ETF1: variants seen among roughly 807,000 people sequenced by gnomAD.
The protein encoded by ETF1 is eukaryotic peptide chain release factor subunit 1.
ETF1 carries 4 observed loss-of-function variants against 55.1 expected under a neutral mutation model. That is an observed-to-expected ratio of 0.07 (90% CI 0.04 to 0.17). The LOEUF is 0.17. ETF1 is among the 10% of genes least tolerant of loss of function. The probability of loss-of-function intolerance (pLI) is 1.00; values close to 1 mark genes in which losing one functional copy is unlikely to be tolerated. For missense variants in ETF1, 142 were observed against 523.6 expected (o/e 0.27, Z 7.11); for synonymous variants, 157 against 182.3 (o/e 0.86, Z 1.12).
rs370063938 is a variant in ETF1 at position 138,511,506 on chromosome 5, G to A, written c.831C>T (p.Asn277=). 86 of 1,613,100 alleles carry A rather than the reference G, an allele frequency of 5.3e-5. No homozygotes were observed. Among genetic ancestry groups the A allele is most frequent in the Non-Finnish European group, 7.0e-5 (82 of 1,179,758 alleles). Reference sequence around the variant, plus strand: ...ATTTCTTCTCTTGAATGAATTTCACGTTGGAGAGGACTTCAGTAGATAACT... The same window carrying A: ...ATTTCTTCTCTTGAATGAATTTCACATTGGAGAGGACTTCAGTAGATAACT... ...AIELSTEVLS[N]VKFIQEKKLI... The change falls in exon 7 of 11, where the codon AAC becomes AAT. Residue 277 remains asparagine (N), a synonymous_variant. Coordinates refer to ENST00000360541, the MANE Select transcript of ETF1 (RefSeq NM_004730.4).
chr5:138,515,934 C>T (rs1325983113), intron 4 of ETF1, among the ~76,000 whole-genome samples: 1 of 152,224 alleles, frequency 6.6e-6, no homozygotes, highest in Non-Finnish European at 1.5e-5. Flanking sequence ...AAAAATCATC[C>T]ACTGTAAACT....
chr5:138,528,711 A>G (rs1233365739), intron 2 of ETF1, among the ~76,000 whole-genome samples: 1 of 152,094 alleles, frequency 6.6e-6, no homozygotes, highest in African/African-American at 2.4e-5. Flanking sequence ...TCTATGGGGG[A>G]AACATTAAGT....
intron 2 of ETF1, 109 bp downstream of exon 2, chr5:138,542,724 G>A (rs1205432421): frequency 1.7e-5 from 26 of 1,535,016 alleles, no homozygotes; most frequent in Non-Finnish European, 2.2e-5. Context: ...CAGAAGGCGG[G>A]AGTTGGCTAG....
At chr5:138,527,115 G>C (rs1427791711) in intron 2 of ETF1, among the ~76,000 whole-genome samples, 2 of 152,174 alleles carry the variant, frequency 1.3e-5, no homozygotes, top group Non-Finnish European at 2.9e-5. Flanking sequence ...AGGATTACAG[G>C]TGTGAGCCAC....
chr5:138,542,617 G>A lies in ETF1; in HGVS notation c.86+216C>T, dbSNP rs550196576. ...GGGGGGCCGAGTGATCTAAACCGGG[G>A]AGCGCGGGCCCCTTACCCCCATGCG... On this transcript the variant is annotated intron_variant, in intron 2 of 10. Transcript: ENST00000360541. The A allele has an allele frequency of 1.8e-5, 26 of 1,419,342 alleles. No homozygotes were observed. The African/African-American group carries it at 2.9e-4, about 16-fold the overall frequency. 87.9% of individuals were successfully genotyped at this position (1,419,342 alleles called of 1,614,324 possible).
At chr5:138,518,959 C>A in intron 2 of ETF1, 92 bp from the exon 3 acceptor site, 1 of 1,554,632 alleles carries the variant, frequency 6.4e-7, no homozygotes, top group South Asian at 1.2e-5. Context: ...AGGGAGATGC[C>A]CCAAAGTTAT....
At chr5:138,524,602 A>G (rs10074396) in intron 2 of ETF1, among the ~76,000 whole-genome samples, 136,183 of 143,152 alleles carry the variant, frequency 0.95, 64,854 homozygotes, top group East Asian at 0.99. Flanking sequence ...TTTTTGAGAC[A>G]GAGTCTTGCT....
intron 9 of ETF1, among the ~76,000 whole-genome samples, chr5:138,509,500 G>A (rs937714242): frequency 3.3e-5 from 5 of 152,006 alleles, no homozygotes; most frequent in Non-Finnish European, 7.4e-5. Context: ...GGTGGGTCAC[G>A]TCTGTAATCT....
intron 3 of ETF1, among the ~76,000 whole-genome samples, chr5:138,518,203 CAAAAAAA>C (rs35745884): frequency 2.5e-5 from 2 of 80,432 alleles, no homozygotes; most frequent in African/African-American, 4.8e-5. Flanking sequence ...TGTCTCATCC[CAAAAAAA>C]AAAAAAAAAA....
chr5:138,511,230 A>G (rs1336190875), intron 7 of ETF1, 30 bp from the exon 8 acceptor site: 2 of 1,606,552 alleles, frequency 1.2e-6, no homozygotes, highest in Non-Finnish European at 1.7e-6. Flanking sequence ...AACAGGATAT[A>G]TATTAAAGTT....
At chr5:138,540,503 GT>G (rs1766128620) in intron 2 of ETF1, among the ~76,000 whole-genome samples, 1 of 152,164 alleles carries the variant, frequency 6.6e-6, no homozygotes, top group African/African-American at 2.4e-5. Context: ...TTTAACACAA[GT>G]TGGCAATGAA....
At chr5:138,512,254 ATATATTTTTTT>A (rs1345112490) in intron 6 of ETF1, among the ~76,000 whole-genome samples, 78 of 17,920 alleles carry the variant, frequency 4.4e-3, no homozygotes, top group Admixed American at 0.011. Context: ...ATATATATAT[ATATATTTTTTT>A]TTTTTTTTAA....
intron 2 of ETF1, among the ~76,000 whole-genome samples, chr5:138,531,157 T>C (rs1157125576): frequency 6.6e-6 from 1 of 152,184 alleles, no homozygotes; most frequent in Non-Finnish European, 1.5e-5. Flanking sequence ...ATGAATAGAT[T>C]CATGCTGCTA....
intron 7 of ETF1, 131 bp downstream of exon 7, chr5:138,511,344 T>C: frequency 1.3e-6 from 2 of 1,501,208 alleles, no homozygotes; most frequent in Non-Finnish European, 1.8e-6. Flanking sequence ...TAAATATTCC[T>C]TTTTACATTT....
At chr5:138,535,163 C>T (rs895140405) in intron 2 of ETF1, among the ~76,000 whole-genome samples, 1 of 151,880 alleles carries the variant, frequency 6.6e-6, no homozygotes, top group African/African-American at 2.4e-5. Flanking sequence ...GTTGGCCAGG[C>T]TGGTCTTGAA....
chr5:138,537,230 A>G (rs544489836), intron 2 of ETF1, among the ~76,000 whole-genome samples: 1 of 152,184 alleles, frequency 6.6e-6, no homozygotes, highest in African/African-American at 2.4e-5. Context: ...TTTCTCTCTC[A>G]TCTATTTCTC....
intron 2 of ETF1, among the ~76,000 whole-genome samples, chr5:138,523,355 A>G (rs1765317443): frequency 1.3e-5 from 2 of 151,332 alleles, no homozygotes; most frequent in African/African-American, 4.9e-5. Context: ...TGACAGAGCT[A>G]GACTCCGTCT....
chr5:138,542,494 T>TAGCACCCGAGTCGGGTTGC, intron 2 of ETF1: 1 of 525,648 alleles, frequency 1.9e-6, no homozygotes, highest in Non-Finnish European at 3.0e-6. Context: ...TTTGCCACAA[T>TAGCACCCGAGTCGGGTTGC]AGCACCCGAG....
intron 2 of ETF1, among the ~76,000 whole-genome samples, chr5:138,530,910 G>A (rs559919215): frequency 3.9e-5 from 6 of 152,190 alleles, no homozygotes; most frequent in Non-Finnish European, 7.3e-5. Context: ...GAGAATCACT[G>A]CATCTGGCTT....
Sources: allele counts gnomAD v4.1 joint callset (sites outside exome capture counted in the v4.1 genomes callset), GRCh38; gene constraint gnomAD v4.1.1; transcripts MANE v1.5; gene names NCBI Gene and HGNC (gene_info 2026-07-23, HGNC 2026-07-21).